The following CNDP1 variants were observed in gnomAD, a reference collection of about 807,000 sequenced individuals.
CNDP1 encodes beta-Ala-His dipeptidase.
In CNDP1, 44 loss-of-function variants were observed where a neutral mutation model predicts 58.1. That is an observed-to-expected ratio of 0.76 (90% CI 0.60 to 0.97). The LOEUF is 0.97. Ranked by LOEUF, CNDP1 falls within the 50% of genes least tolerant of loss-of-function variation. The pLI is 0.00. For synonymous variants in CNDP1, 254 were observed against 252.6 expected (o/e 1.01, Z -0.05); for missense variants, 616 against 655.1 (o/e 0.94, Z 0.65).
At chr18:74,566,500 C>T (rs1032939659) in intron 5 of CNDP1, among the ~76,000 whole-genome samples, 1 of 152,194 alleles carries the variant, frequency 6.6e-6, no homozygotes, top group Non-Finnish European at 1.5e-5. Context: ...ACCAGATACC[C>T]TAAATCATCT....
intron 9 of CNDP1, among the ~76,000 whole-genome samples, chr18:74,579,105 C>G (rs986211771): frequency 1.3e-5 from 2 of 150,962 alleles, no homozygotes; most frequent in Admixed American, 6.6e-5. Flanking sequence ...CTCCCCTCCT[C>G]TCTTCCCTCC....
At chr18:74,572,523 C>CA (rs1200204634) in intron 7 of CNDP1, among the ~76,000 whole-genome samples, 7 of 152,120 alleles carry the variant, frequency 4.6e-5, no homozygotes, top group Non-Finnish European at 8.8e-5. Flanking sequence ...CATGGTCACT[C>CA]ACGCCTGCAA....
intron 9 of CNDP1, among the ~76,000 whole-genome samples, chr18:74,579,648 T>G (rs570275609): frequency 8.7e-4 from 133 of 152,054 alleles, no homozygotes; most frequent in South Asian, 5.4e-3. Flanking sequence ...GAAATGAGGC[T>G]CTCCATAGTT....
chr18:74,559,557 A>T, intron 3 of CNDP1, 85 bp downstream of exon 3: 1 of 1,304,222 alleles, frequency 7.7e-7, no homozygotes, highest in Non-Finnish European at 1.0e-6. Flanking sequence ...GGAGAGGCTC[A>T]CCCTGATCCT....
At chr18:74,555,352 C>A (rs552285426) in intron 1 of CNDP1, among the ~76,000 whole-genome samples, 1 of 152,252 alleles carries the variant, frequency 6.6e-6, no homozygotes, top group South Asian at 2.1e-4. Context: ...CCAAGGGCTG[C>A]AGCCCCCTTG....
At chr18:74,535,673 A>T (rs1980470063) in intron 1 of CNDP1, among the ~76,000 whole-genome samples, 1 of 150,078 alleles carries the variant, frequency 6.7e-6, no homozygotes, top group Admixed American at 6.8e-5. Context: ...TACTTTAAAA[A>T]ATCTTTAAAC....
At position 74,545,840 on chromosome 18, in the gene CNDP1, C is replaced by T. The variant is rs962009276; in HGVS notation, c.25-10498C>T. 3.9e-5 allele frequency among the ~76,000 whole-genome samples: 6 copies of T among 152,222 alleles called. No individual in the cohort carries two copies. The highest frequency in any genetic ancestry group is 1.4e-4 in the African/African-American group (6 of 41,452). ...TCTGGTGTGGCCACAGCTACGATAT[C>T]TCCAAAGGAGAATGTTCGCCTTGGG... On this transcript the variant is annotated intron_variant, in intron 1 of 11. Coordinates refer to ENST00000358821, the MANE Select transcript of CNDP1 (RefSeq NM_032649.6). This position sits in a 1 kb window ranked among gnomAD's most constrained non-coding sequence, Gnocchi z 4.1.
intron 6 of CNDP1, among the ~76,000 whole-genome samples, chr18:74,569,505 G>A (rs1460251122): frequency 6.6e-6 from 1 of 152,138 alleles, no homozygotes; most frequent in Non-Finnish European, 1.5e-5. Context: ...GCATTCCAGA[G>A]TTTTAGGTCT....
At chr18:74,547,254 A>G (rs1451256810) in intron 1 of CNDP1, among the ~76,000 whole-genome samples, 1 of 152,204 alleles carries the variant, frequency 6.6e-6, no homozygotes, top group African/African-American at 2.4e-5. Context: ...AACCTCTATA[A>G]AACAATCCCA....
intron 9 of CNDP1, 35 bp from the exon 10 acceptor site, chr18:74,580,095 C>A (rs1276386802): frequency 6.3e-7 from 1 of 1,587,730 alleles, no homozygotes; most frequent in Non-Finnish European, 8.6e-7. Context: ...AATAACTTGA[C>A]ACTTTCTCTT....
At chr18:74,558,911 C>T (rs9807248) in intron 2 of CNDP1, among the ~76,000 whole-genome samples, 8,857 of 152,136 alleles carry the variant, frequency 0.058, 468 homozygotes, top group African/African-American at 0.14. Context: ...GGTTCAGTCA[C>T]GGCTTGGAGG....
At chr18:74,540,689 G>C (rs1270519865) in intron 1 of CNDP1, among the ~76,000 whole-genome samples, 1 of 152,168 alleles carries the variant, frequency 6.6e-6, no homozygotes, top group Non-Finnish European at 1.5e-5. Context: ...TAGTGCTTCA[G>C]GTCACTTGTC....
rs1251296786 is a variant in CNDP1, at chr18:74,562,161, G to C, written c.555+26G>C. The stretch of plus-strand genomic sequence containing the variant: ...GTAGGTGGCAGCTGTGTTTGGGAGA[G>C]AGGAGGAGGAGGATGGTAACGACAA... On this transcript the variant is annotated intron_variant, in intron 5 of 11. Coordinates refer to ENST00000358821, the MANE Select transcript of CNDP1 (RefSeq NM_032649.6). 1.9e-6 allele frequency: 3 copies of C among 1,552,836 alleles called. No homozygotes were observed. The South Asian group carries it at 3.4e-5, about 17-fold the overall frequency.
intron 2 of CNDP1, among the ~76,000 whole-genome samples, chr18:74,556,919 T>G (rs1981058306): frequency 6.6e-6 from 1 of 152,196 alleles, no homozygotes; most frequent in African/African-American, 2.4e-5. Flanking sequence ...TTCATTCAAT[T>G]TATTTATTTG....
chr18:74,557,577 G>A (rs937581272), intron 2 of CNDP1, among the ~76,000 whole-genome samples: 1 of 151,452 alleles, frequency 6.6e-6, no homozygotes, highest in Non-Finnish European at 1.5e-5. Flanking sequence ...TCCCCTCTGT[G>A]GCCATCCGGT....
intron 1 of CNDP1, among the ~76,000 whole-genome samples, chr18:74,553,484 C>T (rs1980960326): frequency 6.6e-6 from 1 of 152,058 alleles, no homozygotes; most frequent in Admixed American, 6.5e-5. Flanking sequence ...TTGTGGATAT[C>T]CTATTCTGCC....
chr18:74,558,901 G>C (rs948840822), intron 2 of CNDP1, among the ~76,000 whole-genome samples: 1 of 152,154 alleles, frequency 6.6e-6, no homozygotes, highest in Non-Finnish European at 1.5e-5. Flanking sequence ...GCCCCTGTGG[G>C]GTTCAGTCAC....
intron 4 of CNDP1, chr18:74,561,748 A>G: frequency 4.0e-6 from 1 of 251,168 alleles, no homozygotes; most frequent in Admixed American, 4.5e-5. Context: ...CTCTCCGGTG[A>G]ACTTGGATAA....
At chr18:74,562,465 T>G (rs999550239) in intron 5 of CNDP1, among the ~76,000 whole-genome samples, 2 of 152,216 alleles carry the variant, frequency 1.3e-5, no homozygotes, top group African/African-American at 4.8e-5. Context: ...GGGACTGGTC[T>G]TTTTTTCTTT....
Sources: gnomAD v4.1 joint callset for allele counts (sites outside exome capture counted in the v4.1 genomes callset) on GRCh38, gnomAD v4.1.1 for gene constraint, Gnocchi (gnomAD v3.1) non-coding constraint, MANE v1.5 for transcripts, NCBI Gene and HGNC (gene_info 2026-07-23, HGNC 2026-07-21) for gene names.